KANSL2: variants seen among roughly 807,000 people sequenced by gnomAD.
The protein encoded by KANSL2 is NSL complex protein NSL2.
KANSL2 carries 34 observed loss-of-function variants against 55.6 expected under a neutral mutation model. That is an observed-to-expected ratio of 0.61 (90% confidence interval 0.46 to 0.81). The LOEUF (loss-of-function observed/expected upper bound fraction) is 0.81, where lower values mean the gene tolerates loss of function less well. Ranked by LOEUF, KANSL2 falls within the 40% of genes least tolerant of loss-of-function variation. The pLI is 0.00. For missense variants in KANSL2, 502 were observed against 609.9 expected, an observed-to-expected ratio of 0.82 and a Z score of 1.86; for synonymous variants, 209 against 214.3, an observed-to-expected ratio of 0.98 and a Z score of 0.22.
At chr12:48,678,980 A>G (rs2137205487) in intron 4 of KANSL2, 56 bp downstream of exon 4, 6 of 1,215,280 alleles carry the variant, frequency 4.9e-6, no homozygotes, top group Non-Finnish European at 7.3e-6. Flanking sequence ...AGCATGCAGC[A>G]CTACATTCCA....
chr12:48,665,907 A>G (rs1565606284), intron 7 of KANSL2, among the ~76,000 whole-genome samples: 1 of 152,208 alleles, frequency 6.6e-6, no homozygotes, highest in East Asian at 1.9e-4. Context: ...ACAGTGACTA[A>G]GTGTTATCAC....
At chr12:48,681,836 C>T (rs1939932819) in intron 1 of KANSL2, 195 bp from the exon 2 acceptor site, 2 of 717,568 alleles carry the variant, frequency 2.8e-6, no homozygotes, top group African/African-American at 3.5e-5. Context: ...CCCTCCATGC[C>T]CGGCCCCACC....
intron 7 of KANSL2, among the ~76,000 whole-genome samples, chr12:48,665,904 C>T (rs1423041980): frequency 6.6e-6 from 1 of 152,150 alleles, no homozygotes; most frequent in Non-Finnish European, 1.5e-5. Flanking sequence ...GGCACAGTGA[C>T]TAAGTGTTAT....
chr12:48,664,848 C>T (rs909191252), intron 7 of KANSL2, among the ~76,000 whole-genome samples: 34 of 145,580 alleles, frequency 2.3e-4, no homozygotes, highest in Non-Finnish European at 2.8e-4. Context: ...TCCCAAAGTG[C>T]TGGAATTACA....
intron 7 of KANSL2, among the ~76,000 whole-genome samples, chr12:48,665,138 T>C (rs1352472547): frequency 6.6e-6 from 1 of 152,176 alleles, no homozygotes; most frequent in Non-Finnish European, 1.5e-5. Context: ...AACCATTTTA[T>C]ATATTAAGAA....
chr12:48,662,593 T>C, intron 7 of KANSL2: 2 of 1,287,056 alleles, frequency 1.6e-6, no homozygotes, highest in Non-Finnish European at 2.0e-6. Flanking sequence ...TTCAGTCGAG[T>C]GCTGTCTCCA....
intron 2 of KANSL2, chr12:48,680,078 G>C (rs1939892579): frequency 2.3e-6 from 1 of 433,744 alleles, no homozygotes. Flanking sequence ...GCTGAGGCAA[G>C]GGATTGGGTC....
intron 5 of KANSL2, among the ~76,000 whole-genome samples, chr12:48,670,432 G>A (rs186276456): frequency 2.0e-5 from 3 of 152,214 alleles, no homozygotes; most frequent in Non-Finnish European, 4.4e-5. Context: ...GATTGTCCCC[G>A]AAGACCTTCC....
At chr12:48,660,150 G>A (rs1592098294) in intron 8 of KANSL2, among the ~76,000 whole-genome samples, 1 of 152,152 alleles carries the variant, frequency 6.6e-6, no homozygotes, top group African/African-American at 2.4e-5. Flanking sequence ...TATGTAAATT[G>A]TATCCCTAAA....
intron 7 of KANSL2, among the ~76,000 whole-genome samples, chr12:48,662,034 A>C (rs987591237): frequency 4.5e-4 from 68 of 152,380 alleles, no homozygotes; most frequent in Middle Eastern, 3.4e-3. Flanking sequence ...TGCGCTTAAG[A>C]AAATCTAAGC....
intron 9 of KANSL2, chr12:48,654,633 G>A (rs1178981697): frequency 1.9e-6 from 1 of 516,216 alleles, no homozygotes; most frequent in East Asian, 4.2e-5. Context: ...GATTTCCCTA[G>A]ATTCCTTGTC....
rs1939923554 is a variant in KANSL2 at position 48,681,389 on chromosome 12, T to C, written c.244A>G (p.Lys82Glu). Residue 82 changes from lysine to glutamate, a missense_variant, in exon 2 of 10, where the codon AAA becomes GAA. Coordinates refer to ENST00000420613, the MANE Select transcript of KANSL2 (RefSeq NM_017822.4). ...CPNAAPKPEK[K>E]DGVSFCAEHV... ...ATATCTATACATATATACCCATCTT[T>C]CTTCTCTGGCTTTGGGGCAGCATTG... The C allele has an allele frequency of 6.2e-7, 1 of 1,612,646 alleles. No individual in the cohort carries two copies. The highest frequency in any genetic ancestry group is 8.5e-7 in the Non-Finnish European group (1 of 1,179,216).
Position 48,654,066 on chromosome 12 carries a change from G to C in KANSL2, c.1457C>G (p.Pro486Arg), listed in dbSNP as rs1194653822. 1 of 1,598,408 alleles carries C rather than the reference G, an allele frequency of 6.3e-7. No individual in the cohort carries two copies. The change falls in exon 10 of 10, where the codon CCA (proline) becomes CGA (arginine). Residue 486 changes from proline (P) to arginine (R), a missense_variant. Transcript: ENST00000420613. Reference sequence around the variant, plus strand: ...CTATCAACTAATAGAAGTGGGTTCTGGCTTCCCATTTGCAGTAGCCAATCC... The same window carrying C: ...CTATCAACTAATAGAAGTGGGTTCTCGCTTCCCATTTGCAGTAGCCAATCC... ...QSGLATANGK[P>R]EPTSIS
In KANSL2 at chr12:48,660,732, A is replaced by T. The variant is rs114567876; in HGVS notation, c.974-113T>A. On this transcript the variant is annotated intron_variant, in intron 7 of 9. Transcript: ENST00000420613. The stretch of plus-strand genomic sequence containing the variant: ...TGTGGACTATATAAGATAAATTACA[A>T]CTACATTTGATACAGAATACCAAAT... 92 of 1,074,030 alleles carry T rather than the reference A, an allele frequency of 8.6e-5. 1 individual carries two copies. The African/African-American group carries it at 1.4e-3, about 17-fold the overall frequency. The allele number at this position is 1,074,030 out of a possible 1,614,324, so 66.5% of individuals were successfully genotyped here.
rs1939630225 is a variant in KANSL2, at chr12:48,667,787, G to C, written c.879C>G (p.Ala293=). The change falls in exon 7 of 10, where the codon GCC becomes GCG. Residue 293 remains alanine (A), a splice_region_variant and synonymous_variant. Coordinates refer to ENST00000420613, the MANE Select transcript of KANSL2 (RefSeq NM_017822.4). ...ACCTCTGACTGGAACGAGTGGTATG[G>C]GCCTGAAATGGAAAAAGACAGATAA... ...MLATDGAAQQ[A]HTTRSSQRCL... The C allele has an allele frequency of 6.2e-7, 1 of 1,611,092 alleles. No individual in the cohort carries two copies. The highest frequency in any genetic ancestry group is 8.5e-7 in the Non-Finnish European group (1 of 1,177,490).
intron 6 of KANSL2, among the ~76,000 whole-genome samples, chr12:48,668,676 GCAACAAGA>G (rs1939647261): frequency 6.6e-6 from 1 of 152,128 alleles, no homozygotes; most frequent in African/African-American, 2.4e-5. Flanking sequence ...TCCAGCCTGG[GCAACAAGA>G]TTGAAACTCT....
intron 5 of KANSL2, among the ~76,000 whole-genome samples, chr12:48,669,783 A>G (rs1347005094): frequency 2.0e-5 from 3 of 150,508 alleles, no homozygotes; most frequent in Admixed American, 6.6e-5. Context: ...TGCTGGGATT[A>G]CAGGCATGAG....
At chr12:48,678,981 C>A in intron 4 of KANSL2, 55 bp downstream of exon 4, 2 of 1,252,406 alleles carry the variant, frequency 1.6e-6, no homozygotes, top group Middle Eastern at 2.0e-4. Flanking sequence ...GCATGCAGCA[C>A]TACATTCCAC....
intron 4 of KANSL2, among the ~76,000 whole-genome samples, chr12:48,677,064 T>C (rs1319101646): frequency 6.6e-6 from 1 of 152,176 alleles, no homozygotes; most frequent in Non-Finnish European, 1.5e-5. Context: ...ACTGAACAAC[T>C]CTATTTACAT....
Sources: allele counts gnomAD v4.1 joint callset (sites outside exome capture counted in the v4.1 genomes callset), GRCh38; gene constraint gnomAD v4.1.1; transcripts MANE v1.5; gene names NCBI Gene and HGNC (gene_info 2026-07-23, HGNC 2026-07-21).